Variants in LRRC37A2 observed in about 807,000 individuals in gnomAD.
LRRC37A2 encodes leucine rich repeat containing 37 member A2.
LRRC37A2 carries 9 observed loss-of-function variants against 68.8 expected under a neutral mutation model. The observed-to-expected ratio is 0.13, with a 90% CI of 0.08 to 0.23. The LOEUF (loss-of-function observed/expected upper bound fraction) is 0.23. LRRC37A2 is among the 10% of genes least tolerant of loss of function. The pLI is 1.00. For synonymous variants in LRRC37A2, 63 were observed against 367.6 expected (o/e 0.17, Z 9.48); for missense variants, 168 against 950.4 (o/e 0.18, Z 10.82).
chr17:46,863,325 T>A, the LRRC37A2 span, among the ~76,000 whole-genome samples: 2 of 152,124 alleles, frequency 1.3e-5, no homozygotes, highest in Admixed American at 1.3e-4. Context: ...CTAAGGGGCA[T>A]AATATGCAGC....
the LRRC37A2 span, among the ~76,000 whole-genome samples, chr17:46,782,788 G>T: frequency 1.3e-5 from 2 of 152,226 alleles, no homozygotes; most frequent in Non-Finnish European, 2.9e-5. Context: ...CAGGGAGCTT[G>T]TGACAAAACC....
the LRRC37A2 span, among the ~76,000 whole-genome samples, chr17:46,944,932 A>G: frequency 6.6e-6 from 1 of 152,132 alleles, no homozygotes; most frequent in Non-Finnish European, 1.5e-5. Context: ...GTCTCCTGTG[A>G]GGTCGAGATT....
the LRRC37A2 span, among the ~76,000 whole-genome samples, chr17:46,847,949 C>A: frequency 6.9e-6 from 1 of 145,002 alleles, no homozygotes; most frequent in Non-Finnish European, 1.5e-5. Flanking sequence ...TCAGCCTCAT[C>A]ATGTTTGTGA....
chr17:46,595,504 T>C, the LRRC37A2 span, among the ~76,000 whole-genome samples: 1 of 118,732 alleles, frequency 8.4e-6, no homozygotes, highest in Non-Finnish European at 1.5e-5. Flanking sequence ...TTTTTTTTTT[T>C]TTTTGAGACG....
the LRRC37A2 span, chr17:46,922,963 C>A: frequency 3.2e-5 from 19 of 601,624 alleles, no homozygotes; most frequent in Middle Eastern, 4.4e-4. Flanking sequence ...ACCGCCTTGC[C>A]CTTCACGTGA....
At chr17:46,882,365 G>A in the LRRC37A2 span, among the ~76,000 whole-genome samples, 7 of 152,146 alleles carry the variant, frequency 4.6e-5, no homozygotes, top group South Asian at 2.1e-4. Context: ...TTGCCTGATC[G>A]TTTCCTTGTA....
At chr17:46,796,097 G>A in the LRRC37A2 span, among the ~76,000 whole-genome samples, 1 of 152,180 alleles carries the variant, frequency 6.6e-6, no homozygotes, top group African/African-American at 2.4e-5. Context: ...TGCAGGCCAG[G>A]GCTTTGTGAT....
At chr17:46,403,564 A>G in the LRRC37A2 span, among the ~76,000 whole-genome samples, 1 of 84,892 alleles carries the variant, frequency 1.2e-5, no homozygotes. Flanking sequence ...AGAGTATAGG[A>G]AGATTCTATA....
chr17:46,764,293 T>C, the LRRC37A2 span: 1 of 152,652 alleles, frequency 6.6e-6, no homozygotes, highest in Non-Finnish European at 1.5e-5. Flanking sequence ...GCCTGTTCTG[T>C]TGGAGTCAAA....
the LRRC37A2 span, among the ~76,000 whole-genome samples, chr17:46,979,636 C>G: frequency 1.3e-5 from 2 of 152,160 alleles, no homozygotes; most frequent in Non-Finnish European, 2.9e-5. Flanking sequence ...GCTGCCCACT[C>G]CACTGGCCCC....
chr17:46,966,508 CG>C, the LRRC37A2 span: 1 of 686,032 alleles, frequency 1.5e-6, no homozygotes, highest in Admixed American at 2.0e-5. Context: ...CCACCACACC[CG>C]ATTAATTTTT....
the LRRC37A2 span, among the ~76,000 whole-genome samples, chr17:46,392,431 CTCTTTCT>C: frequency 3.4e-5 from 1 of 29,618 alleles, no homozygotes; most frequent in Admixed American, 2.7e-4. Context: ...CTTTCTTTCT[CTCTTTCT>C]TTCTTTCTTT....
At chr17:46,951,068 G>A in the LRRC37A2 span, among the ~76,000 whole-genome samples, 3 of 152,210 alleles carry the variant, frequency 2.0e-5, no homozygotes, top group African/African-American at 4.8e-5. Context: ...GCCAGGCACA[G>A]CTAAGTCAGG....
At chr17:46,932,030 G>T in the LRRC37A2 span, 1 of 1,608,392 alleles carries the variant, frequency 6.2e-7, no homozygotes. Flanking sequence ...GCTGCCCTGA[G>T]TTCCTGGAAT....
At chr17:46,499,342 G>C in the LRRC37A2 span, among the ~76,000 whole-genome samples, 1 of 139,502 alleles carries the variant, frequency 7.2e-6, no homozygotes, top group Non-Finnish European at 1.5e-5. Flanking sequence ...AAAAGGTGGG[G>C]GGACAATGTT....
chr17:46,839,977 TCTTC>T, the LRRC37A2 span, among the ~76,000 whole-genome samples: 2 of 119,284 alleles, frequency 1.7e-5, no homozygotes, highest in African/African-American at 3.2e-5. Context: ...TCTTTCTTTC[TCTTC>T]TTTCTTTCTT....
the LRRC37A2 span, chr17:47,017,210 C>T: frequency 6.7e-4 from 1,088 of 1,611,900 alleles, 6 homozygotes; most frequent in African/African-American, 5.9e-3. Flanking sequence ...CCGCTCAGTG[C>T]CCGGCACTAG....
At chr17:46,863,818 C>A in the LRRC37A2 span, among the ~76,000 whole-genome samples, 1 of 152,112 alleles carries the variant, frequency 6.6e-6, no homozygotes, top group African/African-American at 2.4e-5. Context: ...TAGGACAGTC[C>A]TAGTGGTTCT....
At chr17:46,865,460 C>T in the LRRC37A2 span, among the ~76,000 whole-genome samples, 1 of 151,992 alleles carries the variant, frequency 6.6e-6, no homozygotes, top group East Asian at 1.9e-4. Context: ...GAAGTGTGGC[C>T]AGATTCAGTC....
Sources: gnomAD v4.1 joint callset for allele counts (sites outside exome capture counted in the v4.1 genomes callset) on GRCh38, gnomAD v4.1.1 for gene constraint, MANE v1.5 for transcripts, NCBI Gene and HGNC (gene_info 2026-07-23, HGNC 2026-07-21) for gene names.